Variants in PCLO observed in about 807,000 individuals in gnomAD.
PCLO encodes protein piccolo.
In PCLO, 82 loss-of-function variants were observed where a neutral mutation model predicts 427.5. The observed-to-expected ratio is 0.19, with a 90% CI of 0.16 to 0.23. The LOEUF (loss-of-function observed/expected upper bound fraction) is 0.23. PCLO is among the 10% of genes least tolerant of loss of function. PCLO has a pLI of 1.00. For missense variants in PCLO, 6,239 were observed against 6,115.9 expected, an observed-to-expected ratio of 1.02 and a Z score of -0.67; for synonymous variants, 2,357 against 2,155.4, an observed-to-expected ratio of 1.09 and a Z score of -2.59.
chr7:82,916,702 T>A lies in PCLO; in HGVS notation c.11284A>T (p.Ile3762Phe). Residue 3762 changes from isoleucine (I) to phenylalanine (F), a missense_variant, in exon 7 of 25, where the codon ATT becomes TTT. Around this residue, in one of 5 missense-constraint regions of PCLO, gnomAD observed 4,677 missense variants for 4,468.4 expected, o/e 1.05. Coordinates refer to ENST00000333891, the MANE Select transcript of PCLO (RefSeq NM_033026.6). ...CRTNTMARAK[I>F]LQDIDRELDL... ...AGCTCTCTGTCTATGTCCTGGAGAA[T>A]CTTGGCTCGTGCCATTGTGTTGGTT... 2 of 1,613,664 alleles carry A rather than the reference T, an allele frequency of 1.2e-6. No individual in the cohort carries two copies. Among genetic ancestry groups the A allele is most frequent in the Non-Finnish European group, 1.7e-6 (2 of 1,179,722 alleles).
intron 3 of PCLO, among the ~76,000 whole-genome samples, chr7:83,058,364 G>A (rs1026774149): frequency 6.6e-6 from 1 of 152,024 alleles, no homozygotes; most frequent in Non-Finnish European, 1.5e-5. Context: ...CCACTTTAAT[G>A]GTACATAGAG....
chr7:82,998,882 G>A (rs776500191), intron 3 of PCLO, among the ~76,000 whole-genome samples: 1 of 151,638 alleles, frequency 6.6e-6, no homozygotes, highest in Non-Finnish European at 1.5e-5. Context: ...TGATCAGACT[G>A]GAGATTTAAA....
At position 82,819,267 on chromosome 7, in the gene PCLO, C is replaced by T. The variant is rs557184856; in HGVS notation, c.14791+3228G>A. On this transcript the variant is annotated intron_variant, in intron 20 of 24. Coordinates refer to ENST00000333891, the MANE Select transcript of PCLO (RefSeq NM_033026.6). ...TTATGATTTTAATGAAGAGTGACTT[C>T]TAAGTCAATCACAAGACTAAATGTT... Among the ~76,000 whole-genome samples, 3 of 151,926 alleles carry T rather than the reference C, an allele frequency of 2.0e-5. No individual in the cohort carries two copies. In the South Asian group the frequency reaches 6.2e-4, roughly 32 times the overall value.
chr7:82,995,850 C>T (rs184989194), intron 3 of PCLO, among the ~76,000 whole-genome samples: 20 of 151,976 alleles, frequency 1.3e-4, no homozygotes, highest in African/African-American at 3.4e-4. Context: ...GTAAACATTA[C>T]ATGAGGGTTT....
chr7:83,126,246 A>G (rs1047525558), intron 3 of PCLO, among the ~76,000 whole-genome samples: 10 of 152,210 alleles, frequency 6.6e-5, no homozygotes. Context: ...TGGGTGGAGC[A>G]GGGCTGTGGG....
intron 3 of PCLO, among the ~76,000 whole-genome samples, chr7:82,991,059 T>C (rs550519089): frequency 9.3e-4 from 142 of 152,294 alleles, no homozygotes; most frequent in African/African-American, 3.2e-3. Context: ...TAAACGTTGA[T>C]GAACAAGAAT....
chr7:83,098,426 C>G (rs988717021), intron 3 of PCLO, among the ~76,000 whole-genome samples: 1 of 152,082 alleles, frequency 6.6e-6, no homozygotes, highest in East Asian at 1.9e-4. Context: ...CGATAGACAC[C>G]AAGGGAATGC....
chr7:82,841,442 T>C lies in PCLO; in HGVS notation c.14097+17A>G. On this transcript the variant is annotated intron_variant, in intron 14 of 24. Coordinates refer to ENST00000333891, the MANE Select transcript of PCLO (RefSeq NM_033026.6). ...AAAAAAGGTTATATAATGGCGACTT[T>C]TTAAAAAACTTCATACCTGAATTTC... 6.4e-7 allele frequency: 1 copy of C among 1,572,418 alleles called. No homozygotes were observed.
intron 3 of PCLO, among the ~76,000 whole-genome samples, chr7:83,005,114 A>G (rs1351865082): frequency 6.6e-6 from 1 of 151,644 alleles, no homozygotes; most frequent in Non-Finnish European, 1.5e-5. Context: ...CAAAAAATTT[A>G]GAAAAGAACT....
intron 10 of PCLO, among the ~76,000 whole-genome samples, chr7:82,874,754 A>G (rs1793329012): frequency 6.6e-6 from 1 of 152,156 alleles, no homozygotes; most frequent in Non-Finnish European, 1.5e-5. Context: ...AAAGATTTAA[A>G]ATGAAAGTTG....
At chr7:82,865,973 G>A (rs991314759) in intron 10 of PCLO, among the ~76,000 whole-genome samples, 3 of 152,060 alleles carry the variant, frequency 2.0e-5, no homozygotes, top group African/African-American at 7.2e-5. Context: ...ATAAGTACAC[G>A]TTAAAGTCCT....
intron 6 of PCLO, among the ~76,000 whole-genome samples, chr7:82,940,485 T>C (rs6467921): frequency 0.53 from 79,988 of 151,544 alleles, 21,484 homozygotes; most frequent in East Asian, 0.8. Flanking sequence ...TAAAATGATA[T>C]ATTAGAGAGC....
At chr7:82,965,659 A>G in intron 4 of PCLO, 112 bp downstream of exon 4, 2 of 661,006 alleles carry the variant, frequency 3.0e-6, no homozygotes, top group South Asian at 4.4e-5. Context: ...AATGTCATTC[A>G]TTGTTTGAGG....
In PCLO at chr7:83,135,252, A is replaced by T; in HGVS notation, c.2298T>A (p.Leu766=). ...TTGTTGTTGCTGATGATGAAGATAC[A>T]AGGTCAGTGGTTGGCTTTACCATCT... ...QPKMVKPTTD[L]VSSSSATTKP... is the part of the protein sequence containing the mutation. Residue 766 remains leucine, a synonymous_variant, in exon 3 of 25, where the codon CTT becomes CTA. Coordinates refer to ENST00000333891, the MANE Select transcript of PCLO (RefSeq NM_033026.6). 6.2e-7 allele frequency: 1 copy of T among 1,613,870 alleles called. No individual in the cohort carries two copies. Among genetic ancestry groups the T allele is most frequent in the South Asian group, 1.1e-5 (1 of 91,064 alleles).
chr7:82,858,221 G>A (rs1792857754), intron 10 of PCLO, among the ~76,000 whole-genome samples: 1 of 152,028 alleles, frequency 6.6e-6, no homozygotes, highest in Non-Finnish European at 1.5e-5. Context: ...AAAAGCATAT[G>A]ATCATCTCAA....
intron 4 of PCLO, among the ~76,000 whole-genome samples, chr7:82,958,804 G>A (rs766085653): frequency 2.6e-5 from 4 of 152,142 alleles, no homozygotes; most frequent in Non-Finnish European, 5.9e-5. Flanking sequence ...TCTAATAAAT[G>A]CTTTCTGGAT....
At chr7:82,807,201 C>T (rs1791473613) in intron 20 of PCLO, among the ~76,000 whole-genome samples, 1 of 145,628 alleles carries the variant, frequency 6.9e-6, no homozygotes, top group South Asian at 2.2e-4. Context: ...AAGGGCTTTA[C>T]TGTCAACAGC....
chr7:83,142,446 C>T (rs1791884826), intron 2 of PCLO, among the ~76,000 whole-genome samples: 1 of 152,160 alleles, frequency 6.6e-6, no homozygotes, highest in African/African-American at 2.4e-5. Context: ...CAACTTTGGG[C>T]TCCTCTCATG....
chr7:82,849,694 CATT>C lies in PCLO; in HGVS notation c.13655-2450_13655-2448del, dbSNP rs1303281261. 2.0e-5 allele frequency among the ~76,000 whole-genome samples: 3 copies of C among 151,954 alleles called. No homozygotes were observed. In the South Asian group the frequency reaches 6.2e-4, roughly 31 times the overall value. Reference sequence around the variant, plus strand: ...TATGAAAAATATTTGTTAATTGTAACATTATATAAACTATTTAAAATGCATGCA... The same window carrying C: ...TATGAAAAATATTTGTTAATTGTAACATATAAACTATTTAAAATGCATGCA... On this transcript the variant is annotated intron_variant, in intron 10 of 24. Coordinates refer to ENST00000333891, the MANE Select transcript of PCLO (RefSeq NM_033026.6).
Sources: allele counts gnomAD v4.1 joint callset (sites outside exome capture counted in the v4.1 genomes callset), GRCh38; gene constraint gnomAD v4.1.1; regional missense constraint gnomAD v4.1.1; transcripts MANE v1.5; gene names NCBI Gene and HGNC (gene_info 2026-07-23, HGNC 2026-07-21).